TNFAIP2: variants seen among roughly 807,000 people sequenced by gnomAD.
TNFAIP2 encodes the protein TNF alpha induced protein 2.
A neutral mutation model predicts 63.5 loss-of-function variants in TNFAIP2; 47 were observed. The ratio of observed to expected loss-of-function variants is 0.74; its 90% CI spans 0.59 to 0.94. TNFAIP2 has a LOEUF of 0.94. Ranked by LOEUF, TNFAIP2 falls within the 40% of genes least tolerant of loss-of-function variation. The pLI, the probability that TNFAIP2 is intolerant of heterozygous loss-of-function variation, is 0.00. For missense variants in TNFAIP2, 787 were observed against 850.2 expected (o/e 0.93, Z 0.92); for synonymous variants, 405 against 390.2 (o/e 1.04, Z -0.45).
At position 103,132,759 on chromosome 14, in the gene TNFAIP2, A is replaced by G; in HGVS notation, c.1432A>G (p.Lys478Glu). The G allele has an allele frequency of 6.2e-7, 1 of 1,613,210 alleles. No individual in the cohort carries two copies. The highest frequency in any genetic ancestry group is 1.3e-5 in the African/African-American group (1 of 75,032). The change falls in exon 9 of 12, where the codon AAG (lysine) becomes GAG (glutamate). Residue 478 changes from lysine (K) to glutamate (E), a missense_variant. Coordinates refer to ENST00000560869, the MANE Select transcript of TNFAIP2 (RefSeq NM_006291.4). ...NLHEDLKPLF[K>E]RFTHTRWAAP... ...GCCTCTCCTGTCTCAGCCACTGTTC[A>G]AGAGGTTCACGCACACCCGCTGGGC...
rs766584391 is a variant in TNFAIP2, at chr14:103,133,538, C to T, written c.1701+21C>T. Reference sequence around the variant, plus strand: ...AGCACGTAAGCCGCTGCCCACCTCTCCCAAGCCCCTCTGAAATGGCTGCCT... The same window carrying T: ...AGCACGTAAGCCGCTGCCCACCTCTTCCAAGCCCCTCTGAAATGGCTGCCT... On this transcript the variant is annotated intron_variant, in intron 10 of 11. Transcript: ENST00000560869. 3 of 1,610,218 alleles carry T rather than the reference C, an allele frequency of 1.9e-6. No homozygotes were observed. The Admixed American group carries it at 5.0e-5, about 27-fold the overall frequency.
chr14:103,131,741 G>C lies in TNFAIP2; in HGVS notation c.1401G>C (p.Gln467His), dbSNP rs1439627735. The C allele has an allele frequency of 1.2e-6, 2 of 1,612,372 alleles. No homozygotes were observed. The highest frequency in any genetic ancestry group is 2.2e-5 in the South Asian group (2 of 91,060). The change falls in exon 8 of 12, where the codon CAG becomes CAC. Residue 467 changes from glutamine to histidine, a missense_variant. Physicochemically the swap from Gln to His is conservative, Grantham distance 24. Coordinates refer to ENST00000560869, the MANE Select transcript of TNFAIP2 (RefSeq NM_006291.4). The surrounding 1 kb of genome is among the most constrained non-coding windows in gnomAD (Gnocchi z 4.0). ...GCCACGGCTTTGACACCCTGCTCCA[G>C]AACCTGCATGAGGACCTGAAGGTAG... Reference protein sequence around the residue: ...LKSHGFDTLLQNLHEDLKPLF... With the variant: ...LKSHGFDTLLHNLHEDLKPLF...
chr14:103,126,564 A>T lies in TNFAIP2; in HGVS notation c.107A>T (p.Lys36Met). Residue 36 changes from lysine (K) to methionine (M), a missense_variant, in exon 2 of 12, where the codon AAG becomes ATG. By Grantham distance (95) the Lys-to-Met change is moderately conservative. Transcript: ENST00000560869. The stretch of plus-strand genomic sequence containing the variant: ...AAGAAGAAGAAGGAGAAGAAGAAGA[A>T]GTCCAAAGGCCTGGCCAATGTGTTC... ...AAKKKKEKKK[K>M]SKGLANVFCV... 1 of 1,558,850 alleles carries T rather than the reference A, an allele frequency of 6.4e-7. No individual in the cohort carries two copies. The highest frequency in any genetic ancestry group is 8.7e-7 in the Non-Finnish European group (1 of 1,151,554).
intron 5 of TNFAIP2, 51 bp from the exon 6 acceptor site, chr14:103,130,264 C>A (rs1449253277): frequency 6.5e-7 from 1 of 1,532,700 alleles, no homozygotes; most frequent in Admixed American, 2.0e-5. Flanking sequence ...CCGTCCCCTG[C>A]CCCCTTGTCC....
chr14:103,133,543 G>A (rs753926841), intron 10 of TNFAIP2, 26 bp downstream of exon 10: 8 of 1,609,496 alleles, frequency 5.0e-6, no homozygotes, highest in African/African-American at 2.7e-5. Flanking sequence ...CCTCTCCCAA[G>A]CCCCTCTGAA....
intron 3 of TNFAIP2, among the ~76,000 whole-genome samples, chr14:103,128,173 A>G (rs1439698890): frequency 6.6e-6 from 1 of 152,148 alleles, no homozygotes; most frequent in Non-Finnish European, 1.5e-5. Flanking sequence ...GGTGAGAGGA[A>G]GGTCGGTGCT....
chr14:103,130,240 C>T lies in TNFAIP2; in HGVS notation c.1099-75C>T, dbSNP rs187307214. The T allele has an allele frequency of 3.4e-4, 519 of 1,528,116 alleles. No homozygotes were observed. In the African/African-American group the frequency reaches 5.8e-3, roughly 17 times the overall value. The allele number at this position is 1,528,116 out of a possible 1,614,324, so 94.7% of individuals were successfully genotyped here. On this transcript the variant is annotated intron_variant, in intron 5 of 11. Coordinates refer to ENST00000560869, the MANE Select transcript of TNFAIP2 (RefSeq NM_006291.4). Reference sequence around the variant, plus strand: ...CACCTCGGGGCACCCCCTCTGTTCCCGCCTGTTTCCTCCCCGTCCCCTGCC... The same window carrying T: ...CACCTCGGGGCACCCCCTCTGTTCCTGCCTGTTTCCTCCCCGTCCCCTGCC...
In TNFAIP2 at chr14:103,133,859, C is replaced by T. The variant is rs1323362641; in HGVS notation, c.1823+56C>T. ...TCACATCACTGTGGCCAAGGCCTCA[C>T]AGGGCTGGCATTGGGAACCCAGATC... On this transcript the variant is annotated intron_variant, in intron 11 of 11. Coordinates refer to ENST00000560869, the MANE Select transcript of TNFAIP2 (RefSeq NM_006291.4). The T allele has an allele frequency of 5.2e-6, 8 of 1,531,592 alleles. No individual in the cohort carries two copies. In the Admixed American group the frequency reaches 1.4e-4, roughly 27 times the overall value. The allele number at this position is 1,531,592 out of a possible 1,614,324, so 94.9% of individuals were successfully genotyped here. A position where few individuals can be genotyped will look rare whatever the true frequency, so the allele number is the denominator to read the frequency against.
chr14:103,132,630 C>A, intron 8 of TNFAIP2, 120 bp from the exon 9 acceptor site: 3 of 1,460,414 alleles, frequency 2.1e-6, no homozygotes, highest in East Asian at 2.5e-5. Flanking sequence ...CTTGAGTGCC[C>A]CCCGCCCCTC....
rs779257429 is a variant in TNFAIP2, at chr14:103,126,425, C to A, written c.-33C>A. 5.3e-6 allele frequency: 8 copies of A among 1,513,536 alleles called. No homozygotes were observed. Among genetic ancestry groups the A allele is most frequent in the Non-Finnish European group, 7.1e-6 (8 of 1,126,446 alleles). 93.8% of individuals were successfully genotyped at this position (1,513,536 alleles called of 1,614,324 possible). On this transcript the variant is annotated 5_prime_UTR_variant, in exon 2 of 12. Transcript: ENST00000560869. Reference sequence around the variant, plus strand: ...CTTGCCTAGAGGCCCCCAAAAGTTGCAGTCCACATCAGAGGCAGAGTCAGA... The same window carrying A: ...CTTGCCTAGAGGCCCCCAAAAGTTGAAGTCCACATCAGAGGCAGAGTCAGA...
Position 103,127,301 on chromosome 14 carries a change from C to G in TNFAIP2, c.532C>G (p.Leu178Val). 1 of 987,698 alleles carries G rather than the reference C, an allele frequency of 1.0e-6. No individual in the cohort carries two copies. Among genetic ancestry groups the G allele is most frequent in the Non-Finnish European group, 1.2e-6 (1 of 833,154 alleles). The allele number at this position is 987,698 out of a possible 1,614,324, so 61.2% of individuals were successfully genotyped here. A position where few individuals can be genotyped will look rare whatever the true frequency, so the allele number is the denominator to read the frequency against. The change falls in exon 3 of 12, where the codon CTG becomes GTG. Residue 178 changes from leucine to valine, a missense_variant. Around this residue, in one of 3 missense-constraint regions of TNFAIP2, gnomAD observed 258 missense variants for 228.9 expected, o/e 1.13. Coordinates refer to ENST00000560869, the MANE Select transcript of TNFAIP2 (RefSeq NM_006291.4). This position sits in a 1 kb window ranked among gnomAD's most constrained non-coding sequence, Gnocchi z 5.1. Reference sequence around the variant, plus strand: ...GGCGGCGGGGCCGGGGACCTCGGGGCTGGCGGCCACGCGCCCGCGGCGCTG... The same window carrying G: ...GGCGGCGGGGCCGGGGACCTCGGGGGTGGCGGCCACGCGCCCGCGGCGCTG... ...AAAAGPGTSGLAATRPRRWLQ... is the reference protein window; with the variant it reads ...AAAAGPGTSGVAATRPRRWLQ...
intron 2 of TNFAIP2, 149 bp from the exon 3 acceptor site, chr14:103,126,856 A>G: frequency 7.4e-7 from 1 of 1,357,018 alleles, no homozygotes; most frequent in South Asian, 1.5e-5. Flanking sequence ...GGAGGCCTTC[A>G]GCCTAGTCAG....
At chr14:103,128,041 A>C (rs1310947617) in intron 3 of TNFAIP2, among the ~76,000 whole-genome samples, 3 of 152,306 alleles carry the variant, frequency 2.0e-5, no homozygotes, top group Non-Finnish European at 4.4e-5. Flanking sequence ...GCATGGGCCC[A>C]AAGCAGGCCT....
chr14:103,125,244 G>C (rs927954662), intron 1 of TNFAIP2, among the ~76,000 whole-genome samples: 7 of 152,244 alleles, frequency 4.6e-5, no homozygotes, highest in African/African-American at 1.7e-4. Context: ...GCCCCTGCCT[G>C]CTTCCCCCTT....
chr14:103,133,736 C>A lies in TNFAIP2; in HGVS notation c.1756C>A (p.Arg586Ser), dbSNP rs759743421. ...PALPTLAEII[R>S]LQDPSAIKIE... ...TCTCCCTACGCTGGCCGAGATCATT[C>A]GCCTGCAGGACCCCAGTGCCATCAA... The change falls in exon 11 of 12, where the codon CGC (arginine) becomes AGC (serine). Residue 586 changes from arginine to serine, a missense_variant. Around this residue, in one of 3 missense-constraint regions of TNFAIP2, gnomAD observed 523 missense variants for 604.1 expected, o/e 0.87. Transcript: ENST00000560869. The A allele has an allele frequency of 6.3e-7, 1 of 1,597,686 alleles. No homozygotes were observed.
Position 103,135,139 on chromosome 14 carries a change from G to A in TNFAIP2, c.1824-80G>A. 6.3e-7 allele frequency: 1 copy of A among 1,587,602 alleles called. No homozygotes were observed. Among genetic ancestry groups the A allele is most frequent in the Non-Finnish European group, 8.6e-7 (1 of 1,157,870 alleles). On this transcript the variant is annotated intron_variant, in intron 11 of 11. Coordinates refer to ENST00000560869, the MANE Select transcript of TNFAIP2 (RefSeq NM_006291.4). This position sits in a 1 kb window ranked among gnomAD's most constrained non-coding sequence, Gnocchi z 7.6. The stretch of plus-strand genomic sequence containing the variant: ...CCGGGCGTTGGCTGTCGGGCCCTGT[G>A]GCACTGGCCGGGAGTGCAGGGAGCT...
chr14:103,133,021 CAT>C (rs2088012419), intron 9 of TNFAIP2, 149 bp downstream of exon 9: 4 of 1,318,704 alleles, frequency 3.0e-6, no homozygotes, highest in Non-Finnish European at 4.1e-6. Context: ...AACACGTGCA[CAT>C]GTGAACACAC....
At chr14:103,129,687 T>A in intron 3 of TNFAIP2, 53 bp from the exon 4 acceptor site, 1 of 1,530,486 alleles carries the variant, frequency 6.5e-7, no homozygotes, top group South Asian at 1.1e-5. Flanking sequence ...CTAGCTTGAG[T>A]GGTGGTGCTG....
rs1213076928 is a variant in TNFAIP2, at chr14:103,127,103, G to A, written c.334G>A (p.Gly112Ser). The A allele has an allele frequency of 9.1e-7, 1 of 1,101,410 alleles. No homozygotes were observed. Among genetic ancestry groups the A allele is most frequent in the Non-Finnish European group, 1.1e-6 (1 of 905,216 alleles). The allele number at this position is 1,101,410 out of a possible 1,614,324, so 68.2% of individuals were successfully genotyped here. The change falls in exon 3 of 12, where the codon GGT becomes AGT. Residue 112 changes from glycine to serine, a missense_variant. Coordinates refer to ENST00000560869, the MANE Select transcript of TNFAIP2 (RefSeq NM_006291.4). This position sits in a 1 kb window ranked among gnomAD's most constrained non-coding sequence, Gnocchi z 5.1. ...GCTGGCGGCGGCGGCGGCGGCGGGC[G>A]GTGTGAGCGAGGAGGAGCTGGTGCG... ...RELAAAAAAG[G>S]VSEEELVRRQ...
Sources: allele counts gnomAD v4.1 joint callset (sites outside exome capture counted in the v4.1 genomes callset), GRCh38; gene constraint gnomAD v4.1.1; regional missense constraint gnomAD v4.1.1; non-coding constraint Gnocchi (gnomAD v3.1); transcripts MANE v1.5; gene names NCBI Gene and HGNC (gene_info 2026-07-23, HGNC 2026-07-21).